The following SEMA6D variants were observed in gnomAD, a reference collection of about 807,000 sequenced individuals.
SEMA6D encodes semaphorin-6D.
In SEMA6D, 35 loss-of-function variants were observed where a neutral mutation model predicts 106.6. That is an observed-to-expected ratio of 0.33 (90% CI 0.25 to 0.44). The LOEUF (loss-of-function observed/expected upper bound fraction) is 0.44. Ranked by LOEUF, SEMA6D falls within the 20% of genes least tolerant of loss-of-function variation. The pLI is 1.00. For missense variants in SEMA6D, 1,185 were observed against 1,345.9 expected (o/e 0.88, Z 1.87); for synonymous variants, 499 against 487.7 (o/e 1.02, Z -0.31).
At chr15:47,595,146 C>T (rs1297953106) in intron 3 of SEMA6D, among the ~76,000 whole-genome samples, 1 of 152,078 alleles carries the variant, frequency 6.6e-6, no homozygotes, top group Non-Finnish European at 1.5e-5. Flanking sequence ...AAAAAAGAGA[C>T]AAAAATCACA....
chr15:47,633,093 A>G (rs2144552437), intron 4 of SEMA6D, among the ~76,000 whole-genome samples: 1 of 152,220 alleles, frequency 6.6e-6, no homozygotes, highest in South Asian at 2.1e-4. Flanking sequence ...TTCTCTACAC[A>G]TATGGAGCAC....
At chr15:47,314,442 C>CA (rs1203966133) in intron 1 of SEMA6D, among the ~76,000 whole-genome samples, 3 of 149,348 alleles carry the variant, frequency 2.0e-5, no homozygotes, top group South Asian at 2.2e-4. Flanking sequence ...ACTAAAAATA[C>CA]AAAAAATTAG....
chr15:47,581,066 G>A (rs539554465), intron 3 of SEMA6D, among the ~76,000 whole-genome samples: 9 of 152,142 alleles, frequency 5.9e-5, no homozygotes, highest in South Asian at 2.1e-4. Context: ...TTGTTCTATC[G>A]CATTACAATC....
chr15:47,752,351 T>C (rs1468665505), intron 1 of SEMA6D, among the ~76,000 whole-genome samples: 2 of 152,266 alleles, frequency 1.3e-5, no homozygotes, highest in Admixed American at 6.5e-5. Flanking sequence ...TCAAATGAAA[T>C]AGGACTGGAA....
chr15:47,600,969 C>A (rs2076641747), intron 4 of SEMA6D: 1 of 152,024 alleles, frequency 6.6e-6, no homozygotes, highest in Non-Finnish European at 1.5e-5. Flanking sequence ...TAAGTTTTTG[C>A]TGTATGTCAT....
At chr15:47,629,628 T>G (rs1238499377) in intron 4 of SEMA6D, among the ~76,000 whole-genome samples, 1 of 151,944 alleles carries the variant, frequency 6.6e-6, no homozygotes, top group Non-Finnish European at 1.5e-5. Context: ...ATAATATTGT[T>G]GCTAAGTATA....
At chr15:47,508,125 A>G (rs575909533) in intron 3 of SEMA6D, among the ~76,000 whole-genome samples, 3 of 152,302 alleles carry the variant, frequency 2.0e-5, no homozygotes, top group South Asian at 4.1e-4. Flanking sequence ...GAAAGCTACA[A>G]AGGTACCCGC....
intron 3 of SEMA6D, among the ~76,000 whole-genome samples, chr15:47,476,997 T>C (rs186187174): frequency 6.6e-6 from 1 of 152,342 alleles, no homozygotes; most frequent in African/African-American, 2.4e-5. Flanking sequence ...GTGGGATCAA[T>C]GTTGATGAAT....
At chr15:47,643,653 T>C (rs1171777845) in intron 4 of SEMA6D, among the ~76,000 whole-genome samples, 1 of 152,192 alleles carries the variant, frequency 6.6e-6, no homozygotes, top group Non-Finnish European at 1.5e-5. Flanking sequence ...GTCGTACATA[T>C]CATGGAGTAC....
chr15:47,342,006 G>GTTT (rs11335489), intron 1 of SEMA6D, among the ~76,000 whole-genome samples: 1,587 of 147,460 alleles, frequency 0.011, 9 homozygotes, highest in Non-Finnish European at 0.014. Context: ...TTTACCCTGT[G>GTTT]TTTTTTTTTT....
In SEMA6D at chr15:47,620,341, G is replaced by T. The variant is rs1469264385; in HGVS notation, c.-55+19445G>T. 2.0e-5 allele frequency among the ~76,000 whole-genome samples: 3 copies of T among 152,322 alleles called. No individual in the cohort carries two copies. The East Asian group carries it at 5.8e-4, about 29-fold the overall frequency. On this transcript the variant is annotated intron_variant, in intron 4 of 19. Coordinates refer to the SEMA6D transcript ENST00000558014. ...TCCCTGAGTGGAGGGCATGTGCCCAGGCTCCTCACACCCTCTGGAGGCAGG... is the reference window on the plus strand; with the variant it reads ...TCCCTGAGTGGAGGGCATGTGCCCATGCTCCTCACACCCTCTGGAGGCAGG...
intron 2 of SEMA6D, among the ~76,000 whole-genome samples, chr15:47,442,907 G>A (rs1361550714): frequency 2.6e-5 from 4 of 152,098 alleles, no homozygotes; most frequent in Admixed American, 2.6e-4. Context: ...AAATCAACTA[G>A]AAGTATTACT....
intron 1 of SEMA6D, among the ~76,000 whole-genome samples, chr15:47,208,472 T>C (rs1895259268): frequency 6.6e-6 from 1 of 152,150 alleles, no homozygotes; most frequent in Non-Finnish European, 1.5e-5. Context: ...CAGAAGAGGC[T>C]TGTAGGCTGT....
intron 4 of SEMA6D, among the ~76,000 whole-genome samples, chr15:47,664,677 C>T (rs1315835507): frequency 6.6e-6 from 1 of 152,188 alleles, no homozygotes; most frequent in Non-Finnish European, 1.5e-5. Context: ...TTCCTTCCTG[C>T]CCCGTGTGTA....
At chr15:47,245,325 A>G (rs1008299692) in intron 1 of SEMA6D, among the ~76,000 whole-genome samples, 2 of 152,192 alleles carry the variant, frequency 1.3e-5, no homozygotes, top group African/African-American at 2.4e-5. Context: ...CCAGCAGTGT[A>G]TAAGTGTTCC....
At chr15:47,225,386 T>A (rs2031569293) in intron 1 of SEMA6D, among the ~76,000 whole-genome samples, 1 of 151,962 alleles carries the variant, frequency 6.6e-6, no homozygotes, top group South Asian at 2.1e-4. Context: ...CTGTTTTAAT[T>A]TATGTTCCCT....
chr15:47,753,398 T>C (rs2081551514), intron 1 of SEMA6D, among the ~76,000 whole-genome samples: 1 of 152,084 alleles, frequency 6.6e-6, no homozygotes, highest in South Asian at 2.1e-4. Context: ...GGTTACGACT[T>C]TGCAAGAAAA....
chr15:47,377,831 A>G (rs1445232561), intron 1 of SEMA6D, among the ~76,000 whole-genome samples: 1 of 152,200 alleles, frequency 6.6e-6, no homozygotes, highest in Admixed American at 6.5e-5. Context: ...AACATGTCAT[A>G]AAACTACTTC....
chr15:47,401,390 A>C (rs2040394901), intron 1 of SEMA6D, among the ~76,000 whole-genome samples: 1 of 152,204 alleles, frequency 6.6e-6, no homozygotes, highest in African/African-American at 2.4e-5. Flanking sequence ...AGTACTACTA[A>C]TACCATTTTA....
Sources: allele counts gnomAD v4.1 joint callset (sites outside exome capture counted in the v4.1 genomes callset), GRCh38; gene constraint gnomAD v4.1.1; transcripts MANE v1.5; gene names NCBI Gene and HGNC (gene_info 2026-07-23, HGNC 2026-07-21).